GRID2: variants seen among roughly 807,000 people sequenced by gnomAD.
GRID2 encodes glutamate ionotropic receptor delta type subunit 2.
In GRID2, 33 loss-of-function variants were observed where a neutral mutation model predicts 114.8. That is an observed-to-expected ratio of 0.29 (90% CI 0.22 to 0.38). The LOEUF is 0.38. GRID2 is among the 10% of genes least tolerant of loss of function. GRID2 has a pLI of 1.00. For missense variants in GRID2, 1,184 were observed against 1,257.7 expected (o/e 0.94, Z 0.89); for synonymous variants, 505 against 449.9 (o/e 1.12, Z -1.55).
intron 2 of GRID2, among the ~76,000 whole-genome samples, chr4:92,781,920 T>C (rs890831670): frequency 6.6e-6 from 1 of 152,108 alleles, no homozygotes; most frequent in African/African-American, 2.4e-5. Context: ...ATAAAACAAA[T>C]GATACACTGT....
intron 2 of GRID2, among the ~76,000 whole-genome samples, chr4:92,869,021 G>T (rs1475089035): frequency 6.6e-6 from 1 of 152,012 alleles, no homozygotes; most frequent in East Asian, 1.9e-4. Context: ...ATTTTCTGTG[G>T]CCTCTAAAGG....
chr4:92,438,231 T>A (rs1246670507), intron 1 of GRID2, among the ~76,000 whole-genome samples: 1 of 152,138 alleles, frequency 6.6e-6, no homozygotes, highest in Non-Finnish European at 1.5e-5. Context: ...ATCTGCTGGT[T>A]TGTGCTTCTA....
At chr4:93,206,856 A>G (rs1248870202) in intron 4 of GRID2, among the ~76,000 whole-genome samples, 1 of 152,130 alleles carries the variant, frequency 6.6e-6, no homozygotes, top group Admixed American at 6.6e-5. Flanking sequence ...TAACTTTCAG[A>G]TAATTTTAGA....
intron 2 of GRID2, among the ~76,000 whole-genome samples, chr4:92,593,501 T>C (rs1437043840): frequency 1.3e-5 from 2 of 151,964 alleles, no homozygotes; most frequent in South Asian, 4.1e-4. Flanking sequence ...TTGGCTACAG[T>C]ACATTTTTGG....
intron 8 of GRID2, among the ~76,000 whole-genome samples, chr4:93,376,769 C>G (rs1763420151): frequency 6.6e-6 from 1 of 152,052 alleles, no homozygotes; most frequent in Non-Finnish European, 1.5e-5. Context: ...AGCTGAACAA[C>G]GAGAACACAT....
chr4:92,530,575 G>A (rs1725294344), intron 1 of GRID2, among the ~76,000 whole-genome samples: 1 of 150,816 alleles, frequency 6.6e-6, no homozygotes, highest in South Asian at 2.1e-4. Context: ...GAATTTGTCT[G>A]GGTCCTTATT....
chr4:93,608,341 A>G (rs1267382819), intron 13 of GRID2, among the ~76,000 whole-genome samples: 1 of 84,492 alleles, frequency 1.2e-5, no homozygotes, highest in East Asian at 3.1e-4. Flanking sequence ...TTTAAGTTTT[A>G]GGGTACATGT....
intron 13 of GRID2, among the ~76,000 whole-genome samples, chr4:93,622,076 T>G (rs1742264302): frequency 6.6e-6 from 1 of 152,094 alleles, no homozygotes; most frequent in Admixed American, 6.6e-5. Flanking sequence ...AAACAGAAGA[T>G]AATCACAAAA....
intron 4 of GRID2, among the ~76,000 whole-genome samples, chr4:93,151,714 T>C (rs939483568): frequency 2.6e-5 from 4 of 152,138 alleles, no homozygotes; most frequent in African/African-American, 9.7e-5. Flanking sequence ...CTTTTCCTAA[T>C]ACATGTGAAA....
intron 2 of GRID2, among the ~76,000 whole-genome samples, chr4:92,982,022 T>TAAAAAAAAAAAAAAAAAAAA (rs1161216679): frequency 3.7e-3 from 294 of 79,842 alleles, no homozygotes; most frequent in Non-Finnish European, 4.4e-3. Flanking sequence ...AAAGTACTGG[T>TAAAAAAAAAAAAAAAAAAAA]AAAAAAAAAA....
intron 13 of GRID2, among the ~76,000 whole-genome samples, chr4:93,604,248 T>C (rs745678684): frequency 6.6e-6 from 1 of 152,132 alleles, no homozygotes; most frequent in Non-Finnish European, 1.5e-5. Context: ...CCAACCCCCA[T>C]AGATGACTTT....
intron 2 of GRID2, among the ~76,000 whole-genome samples, chr4:92,971,124 C>T (rs367762702): frequency 1.3e-5 from 2 of 151,964 alleles, no homozygotes; most frequent in African/African-American, 4.8e-5. Flanking sequence ...GCATGAGCCA[C>T]TGTGCCCAGA....
intron 2 of GRID2, among the ~76,000 whole-genome samples, chr4:92,870,738 G>A (rs973469026): frequency 6.6e-6 from 1 of 151,986 alleles, no homozygotes; most frequent in East Asian, 1.9e-4. Flanking sequence ...TGTGATAAAA[G>A]AAAAAAATAG....
chr4:93,158,792 A>G (rs868209025), intron 4 of GRID2, among the ~76,000 whole-genome samples: 32 of 151,862 alleles, frequency 2.1e-4, no homozygotes, highest in Middle Eastern at 3.4e-3. Context: ...TGTGTCTCAG[A>G]TGAGACTGAA....
chr4:93,594,495 T>C (rs1351216723), intron 13 of GRID2, among the ~76,000 whole-genome samples: 6 of 152,108 alleles, frequency 3.9e-5, no homozygotes, highest in Non-Finnish European at 8.8e-5. Flanking sequence ...CAGAGGTTAC[T>C]GCTGTCTTTT....
At chr4:92,724,560 T>A (rs1303486962) in intron 2 of GRID2, among the ~76,000 whole-genome samples, 1 of 152,184 alleles carries the variant, frequency 6.6e-6, no homozygotes, top group Non-Finnish European at 1.5e-5. Flanking sequence ...AATGTAAAAT[T>A]GTATGACTAT....
At chr4:93,603,366 A>G (rs1467805493) in intron 13 of GRID2, among the ~76,000 whole-genome samples, 1 of 152,214 alleles carries the variant, frequency 6.6e-6, no homozygotes, top group African/African-American at 2.4e-5. Flanking sequence ...ACTTTTTTCA[A>G]TTCTATTCAC....
Position 93,168,790 on chromosome 4 carries a change from C to T in GRID2, c.736-38614C>T, listed in dbSNP as rs182260145. Among the ~76,000 whole-genome samples the T allele has an allele frequency of 2.0e-5, 3 of 152,102 alleles. No homozygotes were observed. The East Asian group carries it at 5.8e-4, about 29-fold the overall frequency. On this transcript the variant is annotated intron_variant, in intron 4 of 15. Coordinates refer to ENST00000282020, the MANE Select transcript of GRID2 (RefSeq NM_001510.4). Reference sequence around the variant, plus strand: ...ATTACATATATAATTTCTAGGGTTACTTCTTAAATCAACCCAGTTTCTGGC... The same window carrying T: ...ATTACATATATAATTTCTAGGGTTATTTCTTAAATCAACCCAGTTTCTGGC...
chr4:92,318,860 T>G lies in GRID2; in HGVS notation c.88+14116T>G, dbSNP rs139660543. On this transcript the variant is annotated intron_variant, in intron 1 of 15. Coordinates refer to ENST00000282020, the MANE Select transcript of GRID2 (RefSeq NM_001510.4). ...CCCTGTGGTGGATTCAACAATCCAG[T>G]TGCCTTTCGCTACCATTTAGAACAG... Among the ~76,000 whole-genome samples the G allele has an allele frequency of 1.9e-3, 289 of 152,204 alleles. 3 individuals are homozygous for G. The highest frequency in any genetic ancestry group is 6.7e-3 in the African/African-American group (277 of 41,548).
Sources: gnomAD v4.1 joint callset for allele counts (sites outside exome capture counted in the v4.1 genomes callset) on GRCh38, gnomAD v4.1.1 for gene constraint, MANE v1.5 for transcripts, NCBI Gene and HGNC (gene_info 2026-07-23, HGNC 2026-07-21) for gene names.